Variants in NHSL1 observed in about 807,000 individuals in gnomAD.
NHSL1 encodes NHS like 1.
A neutral mutation model predicts 95.0 loss-of-function variants in NHSL1; 48 were observed. The ratio of observed to expected loss-of-function variants is 0.51; its 90% CI spans 0.40 to 0.64. The LOEUF (loss-of-function observed/expected upper bound fraction) is 0.64. Among genes scored for constraint, NHSL1 ranks in the 30% least tolerant of loss-of-function variants. The pLI, the probability that NHSL1 is intolerant of heterozygous loss-of-function variation, is 0.00. For synonymous variants in NHSL1, 783 were observed against 833.9 expected (o/e 0.94, Z 1.05); for missense variants, 1,971 against 2,077.7 (o/e 0.95, Z 1.00).
chr6:138,494,895 C>T (rs2128283738), intron 2 of NHSL1, among the ~76,000 whole-genome samples: 1 of 152,242 alleles, frequency 6.6e-6, no homozygotes, highest in African/African-American at 2.4e-5. Context: ...AACTACTTTC[C>T]TTCTTTATCA....
chr6:138,690,024 CG>C (rs1257685152), intron 1 of NHSL1, among the ~76,000 whole-genome samples: 1 of 152,150 alleles, frequency 6.6e-6, no homozygotes, highest in Non-Finnish European at 1.5e-5. Context: ...GCTTCAGGCC[CG>C]GATGTGTCAT....
chr6:138,681,784 A>G (rs1445399080), intron 1 of NHSL1, among the ~76,000 whole-genome samples: 1 of 152,236 alleles, frequency 6.6e-6, no homozygotes, highest in African/African-American at 2.4e-5. Flanking sequence ...TGTCATGCAG[A>G]AAGCCCTCAT....
At chr6:138,595,648 C>G (rs1784293553) in intron 1 of NHSL1, among the ~76,000 whole-genome samples, 1 of 152,092 alleles carries the variant, frequency 6.6e-6, no homozygotes, top group South Asian at 2.1e-4. Context: ...CATAGGGTAA[C>G]CTGGAATCAA....
chr6:138,668,612 A>T (rs1221765239), intron 1 of NHSL1, among the ~76,000 whole-genome samples: 1 of 151,698 alleles, frequency 6.6e-6, no homozygotes, highest in East Asian at 1.9e-4. Flanking sequence ...TTTAAAAACA[A>T]GAAATTTTTT....
At position 138,655,427 on chromosome 6, in the gene NHSL1, C is replaced by G. The variant is rs1349638893; in HGVS notation, c.96+37049G>C. Among the ~76,000 whole-genome samples the G allele has an allele frequency of 2.0e-5, 3 of 152,164 alleles. No individual in the cohort carries two copies. The East Asian group carries it at 5.8e-4, about 29-fold the overall frequency. On this transcript the variant is annotated intron_variant, in intron 1 of 3. Transcript: ENST00000491526. ...AGCTCTTTGAGGTCAGAGGATATTT[C>G]TTATCATTCCCATCCACTGATCTCT... is the stretch of plus-strand genomic sequence containing the variant.
intron 2 of NHSL1, among the ~76,000 whole-genome samples, chr6:138,474,051 G>A (rs1583253940): frequency 6.6e-6 from 1 of 152,176 alleles, no homozygotes; most frequent in East Asian, 1.9e-4. Flanking sequence ...AGGAATGCGT[G>A]GCACCACTAT....
chr6:138,499,340 CA>C lies in NHSL1; in HGVS notation c.-51del, dbSNP rs1406837396. The C allele has an allele frequency of 1.3e-6, 2 of 1,545,986 alleles. No individual in the cohort carries two copies. Among genetic ancestry groups the C allele is most frequent in the East Asian group, 4.9e-5 (2 of 40,812 alleles). On this transcript the variant is annotated 5_prime_UTR_variant, in exon 1 of 8. It removes the in-frame stop codon of an upstream open reading frame in the 5' UTR. Coordinates refer to ENST00000343505, the MANE Select transcript of NHSL1 (RefSeq NM_001144060.2). ...AGAAATGTAAATCACATTAAAAGCTCAGCCCAGTAGGCAGGTGGCAAGCTTC... is the reference window on the plus strand; with the variant it reads ...AGAAATGTAAATCACATTAAAAGCTCGCCCAGTAGGCAGGTGGCAAGCTTC...
At chr6:138,580,497 C>T (rs533166284) in intron 1 of NHSL1, among the ~76,000 whole-genome samples, 28 of 152,060 alleles carry the variant, frequency 1.8e-4, no homozygotes, top group African/African-American at 6.3e-4. Flanking sequence ...CTCTCTGGGG[C>T]GGGGATGAGG....
At chr6:138,462,741 T>C (rs760528168) in intron 3 of NHSL1, among the ~76,000 whole-genome samples, 1 of 152,212 alleles carries the variant, frequency 6.6e-6, no homozygotes, top group African/African-American at 2.4e-5. Flanking sequence ...CAGTGAAATA[T>C]ACCTTGGCGT....
intron 1 of NHSL1, among the ~76,000 whole-genome samples, chr6:138,570,536 T>C (rs913253673): frequency 6.6e-6 from 1 of 152,244 alleles, no homozygotes; most frequent in Non-Finnish European, 1.5e-5. Flanking sequence ...ACCTTGTTGA[T>C]ACAATAAACA....
chr6:138,452,935 A>T (rs1777337516), intron 3 of NHSL1, among the ~76,000 whole-genome samples: 1 of 152,076 alleles, frequency 6.6e-6, no homozygotes, highest in Non-Finnish European at 1.5e-5. Flanking sequence ...CCAACAGGTG[A>T]CTTCCACATC....
chr6:138,591,020 G>A lies in NHSL1; in HGVS notation c.97-94649C>T, dbSNP rs543133073. ...GGCCTGTGTATTGACCATTGATCTC[G>A]GGCAATCCTCTGGGAATCGCCTCCT... On this transcript the variant is annotated intron_variant, in intron 1 of 3. Transcript: ENST00000491526. 1.5e-3 allele frequency among the ~76,000 whole-genome samples: 233 copies of A among 152,202 alleles called. 1 individual carries two copies. The highest frequency in any genetic ancestry group is 0.014 in the Middle Eastern group (4 of 294).
chr6:138,661,326 G>T (rs1198894173), intron 1 of NHSL1, among the ~76,000 whole-genome samples: 1 of 152,038 alleles, frequency 6.6e-6, no homozygotes, highest in Non-Finnish European at 1.5e-5. Flanking sequence ...ACTCTCTGTA[G>T]AAGTTCAACT....
chr6:138,515,467 C>G (rs1303645623), intron 1 of NHSL1, among the ~76,000 whole-genome samples: 1 of 152,190 alleles, frequency 6.6e-6, no homozygotes, highest in African/African-American at 2.4e-5. Flanking sequence ...CTTTCGCATC[C>G]TCTCCCCAGG....
intron 2 of NHSL1, among the ~76,000 whole-genome samples, chr6:138,478,012 C>CTTTTTTTTTTTTTTTTTTTTTT (rs71009589): frequency 1.7e-4 from 5 of 29,996 alleles, no homozygotes; most frequent in Non-Finnish European, 2.9e-4. Context: ...ATTTATGTCA[C>CTTTTTTTTTTTTTTTTTTTTTT]TTTTTTTTTT....
intron 1 of NHSL1, among the ~76,000 whole-genome samples, chr6:138,551,436 C>T (rs1307919215): frequency 6.6e-6 from 1 of 152,088 alleles, no homozygotes; most frequent in Admixed American, 6.6e-5. Context: ...ATGCTGAAAC[C>T]CTCTGACACT....
At chr6:138,458,459 AG>A (rs1361251689) in intron 3 of NHSL1, among the ~76,000 whole-genome samples, 1 of 152,192 alleles carries the variant, frequency 6.6e-6, no homozygotes, top group African/African-American at 2.4e-5. Context: ...TGGGAGGCCA[AG>A]GTAGGTGGAT....
intron 1 of NHSL1, among the ~76,000 whole-genome samples, chr6:138,535,873 G>A (rs2128319414): frequency 6.6e-6 from 1 of 152,300 alleles, no homozygotes; most frequent in South Asian, 2.1e-4. Flanking sequence ...TGTGTGGTGA[G>A]GATCTGCTCT....
chr6:138,621,750 T>C (rs1047045517), intron 1 of NHSL1, among the ~76,000 whole-genome samples: 1 of 152,186 alleles, frequency 6.6e-6, no homozygotes, highest in East Asian at 1.9e-4. Context: ...CCAAAAAAAA[T>C]ATGCATGCAA....
Sources: gnomAD v4.1 joint callset for allele counts (sites outside exome capture counted in the v4.1 genomes callset) on GRCh38, gnomAD v4.1.1 for gene constraint, MANE v1.5 for transcripts, NCBI Gene and HGNC (gene_info 2026-07-23, HGNC 2026-07-21) for gene names.